The following CHN2 variants were observed in gnomAD, a reference collection of about 807,000 sequenced individuals.
The protein encoded by CHN2 is beta-chimaerin.
Under a neutral mutation model 56.3 loss-of-function variants are expected in CHN2, and 35 were observed. The ratio of observed to expected loss-of-function variants is 0.62; its 90% CI spans 0.47 to 0.82. The LOEUF is 0.82. Ranked by LOEUF, CHN2 falls within the 40% of genes least tolerant of loss-of-function variation. The pLI, the probability that CHN2 is intolerant of heterozygous loss-of-function variation, is 0.00. For missense variants in CHN2, 491 were observed against 580.5 expected, an observed-to-expected ratio of 0.85 and a Z score of 1.58; for synonymous variants, 210 against 212.8, an observed-to-expected ratio of 0.99 and a Z score of 0.12.
In CHN2 at chr7:29,146,656, C is replaced by T. The variant is rs1441768490; in HGVS notation, c.73C>T (p.Gln25Ter). The stretch of plus-strand genomic sequence containing the variant: ...CCTGGTCCCAGAAACCTGGCCGCAT[C>T]AAGTCAGCGCTTCCCATGCTGGAAG... Residue 25 changes from glutamine to a stop codon, truncating the protein, a stop_gained, in exon 1 of 7, where the codon CAA becomes TAA. Coordinates refer to the CHN2 transcript ENST00000439384. LOFTEE classifies it high-confidence loss of function. The T allele has an allele frequency of 6.4e-7, 1 of 1,550,476 alleles. No homozygotes were observed. The highest frequency in any genetic ancestry group is 1.2e-5 in the South Asian group (1 of 84,056).
chr7:29,496,837 C>G (rs1284809680), intron 8 of CHN2, among the ~76,000 whole-genome samples: 1 of 152,158 alleles, frequency 6.6e-6, no homozygotes, highest in African/African-American at 2.4e-5. Context: ...CATGGTTTTT[C>G]TGGCAAACAC....
At chr7:29,453,354 TG>T (rs1784535202) in intron 6 of CHN2, among the ~76,000 whole-genome samples, 3 of 152,086 alleles carry the variant, frequency 2.0e-5, no homozygotes, top group Admixed American at 2.0e-4. Context: ...CTTTTGTTAG[TG>T]GGGAGATAAT....
intron 6 of CHN2, among the ~76,000 whole-genome samples, chr7:29,406,036 C>T (rs777256988): frequency 6.6e-6 from 1 of 152,230 alleles, no homozygotes; most frequent in Non-Finnish European, 1.5e-5. Context: ...ATGCTCGCAT[C>T]TCATGGCTGG....
intron 1 of CHN2, among the ~76,000 whole-genome samples, chr7:29,342,290 T>C (rs139081404): frequency 2.0e-3 from 310 of 152,308 alleles, no homozygotes; most frequent in Middle Eastern, 6.8e-3. Flanking sequence ...AGATCCCAGA[T>C]AATGTATGGA....
At chr7:29,383,596 T>A in intron 3 of CHN2, among the ~76,000 whole-genome samples, 1 of 152,194 alleles carries the variant, frequency 6.6e-6, no homozygotes, top group East Asian at 1.9e-4. Context: ...CCCCCACAAG[T>A]TGACACATAA....
chr7:29,291,693 G>A (rs759229005), intron 1 of CHN2, among the ~76,000 whole-genome samples: 28 of 151,996 alleles, frequency 1.8e-4, no homozygotes, highest in Non-Finnish European at 3.4e-4. Flanking sequence ...AAACCATGCT[G>A]CAATGAACAT....
At chr7:29,482,797 CTTTTTTTTTTTTTTTTTTT>C (rs375120538) in intron 7 of CHN2, among the ~76,000 whole-genome samples, 49 of 64,202 alleles carry the variant, frequency 7.6e-4, no homozygotes, top group African/African-American at 2.3e-3. Context: ...GCACTTTTTT[CTTTTTTTTTTTTTTTTTTT>C]TTTTTTTTTT....
At chr7:29,246,515 G>GTGA (rs1168689830) in intron 1 of CHN2, among the ~76,000 whole-genome samples, 1 of 152,168 alleles carries the variant, frequency 6.6e-6, no homozygotes, top group Non-Finnish European at 1.5e-5. Flanking sequence ...GGTTTGAAAT[G>GTGA]TGATCCATAT....
intron 6 of CHN2, chr7:29,445,156 C>T: frequency 2.2e-6 from 1 of 455,982 alleles, no homozygotes; most frequent in Non-Finnish European, 4.4e-6. Context: ...GAAATCCCAC[C>T]AGTACATGTA....
At chr7:29,430,212 T>C (rs528304557) in intron 6 of CHN2, among the ~76,000 whole-genome samples, 17 of 152,318 alleles carry the variant, frequency 1.1e-4, no homozygotes, top group Admixed American at 2.0e-4. Flanking sequence ...TCAGGATGCG[T>C]TGGAGCTGAT....
rs143253157 is a variant in CHN2, at chr7:29,221,589, A to G, written c.49+26599A>G. On this transcript the variant is annotated intron_variant, in intron 1 of 12. Coordinates refer to ENST00000222792, the MANE Select transcript of CHN2 (RefSeq NM_004067.4). ...CACCTAGGTATTAAGCCCAGTATTCATTAGCTGTTCTTCCTGATGCTCTCC... is the reference window on the plus strand; with the variant it reads ...CACCTAGGTATTAAGCCCAGTATTCGTTAGCTGTTCTTCCTGATGCTCTCC... Among the ~76,000 whole-genome samples, 234 of 152,270 alleles carry G rather than the reference A, an allele frequency of 1.5e-3. 1 individual carries two copies. The highest frequency in any genetic ancestry group is 5.3e-3 in the African/African-American group (219 of 41,552).
intron 2 of CHN2, among the ~76,000 whole-genome samples, chr7:29,180,131 C>T (rs759777489): frequency 1.4e-4 from 22 of 152,096 alleles, no homozygotes; most frequent in Non-Finnish European, 2.6e-4. Context: ...AATCTGTTCC[C>T]CAATAGTTTT....
At chr7:29,240,942 G>T (rs39078) in intron 1 of CHN2, among the ~76,000 whole-genome samples, 81,373 of 151,564 alleles carry the variant, frequency 0.54, 22,986 homozygotes, top group East Asian at 0.92. Flanking sequence ...CTGGAGTGCG[G>T]TGAGGCAATC....
intron 2 of CHN2, among the ~76,000 whole-genome samples, chr7:29,360,240 G>A (rs1798625788): frequency 6.6e-6 from 1 of 152,212 alleles, no homozygotes; most frequent in African/African-American, 2.4e-5. Context: ...TCGACATTCT[G>A]GCCGGGTGCA....
rs553253280 is a variant in CHN2, at chr7:29,268,497, C to G, written c.49+73507C>G. Among the ~76,000 whole-genome samples, 5 of 144,416 alleles carry G rather than the reference C, an allele frequency of 3.5e-5. No homozygotes were observed. In the East Asian group the frequency reaches 9.6e-4, roughly 28 times the overall value. The allele number at this position is 144,416 out of a possible 152,430, so 94.7% of individuals were successfully genotyped here. On this transcript the variant is annotated intron_variant, in intron 1 of 12. Coordinates refer to ENST00000222792, the MANE Select transcript of CHN2 (RefSeq NM_004067.4). ...GATAATAAATAGAGGTGGAAATGCA[C>G]GGATGCTTCTGCACCAATTCTCAGG...
chr7:29,415,507 CAA>C (rs1412442196), intron 6 of CHN2, among the ~76,000 whole-genome samples: 2 of 152,098 alleles, frequency 1.3e-5, no homozygotes, highest in Admixed American at 1.3e-4. Context: ...AAAACAAAAA[CAA>C]AAACAAAACA....
intron 1 of CHN2, among the ~76,000 whole-genome samples, chr7:29,316,805 G>C (rs1041811682): frequency 7.2e-5 from 11 of 152,068 alleles, no homozygotes; most frequent in Non-Finnish European, 1.3e-4. Flanking sequence ...AGTCTGTCCA[G>C]ATAATCTTGG....
intron 1 of CHN2, among the ~76,000 whole-genome samples, chr7:29,201,493 C>T (rs985129668): frequency 1.3e-5 from 2 of 151,868 alleles, no homozygotes; most frequent in African/African-American, 2.4e-5. Flanking sequence ...AGTCATAAAG[C>T]GCTTTATATT....
At chr7:29,468,148 C>A (rs1371157610) in intron 6 of CHN2, among the ~76,000 whole-genome samples, 5 of 111,706 alleles carry the variant, frequency 4.5e-5, no homozygotes, top group South Asian at 4.2e-4. Flanking sequence ...CCGCCCCCCC[C>A]CCCCCCCGCC....
Sources: allele counts gnomAD v4.1 joint callset (sites outside exome capture counted in the v4.1 genomes callset), GRCh38; gene constraint gnomAD v4.1.1; transcripts MANE v1.5; gene names NCBI Gene and HGNC (gene_info 2026-07-23, HGNC 2026-07-21).